The following CCKAR variants were observed in gnomAD, a reference collection of about 807,000 sequenced individuals.
CCKAR encodes the protein cholecystokinin receptor type A.
In CCKAR, 21 loss-of-function variants were observed where a neutral mutation model predicts 29.8. The observed-to-expected ratio is 0.70, with a 90% confidence interval of 0.50 to 1.01. CCKAR has a LOEUF of 1.01. CCKAR is among the 50% of genes least tolerant of loss of function. The pLI, the probability that CCKAR is intolerant of heterozygous loss-of-function variation, is 0.00. For synonymous variants in CCKAR, 238 were observed against 221.3 expected (o/e 1.08, Z -0.67); for missense variants, 570 against 560.6 (o/e 1.02, Z -0.17).
Position 26,485,773 on chromosome 4 carries a change from C to A in CCKAR, c.490G>T (p.Ala164Ser). The change falls in exon 3 of 5, where the codon GCT (alanine) becomes TCT (serine). Residue 164 changes from alanine (A) to serine (S), a missense_variant. Transcript: ENST00000295589. ...TKSHALKVIA[A>S]TWCLSFTIMT... ...ATGGTAAAGGAAAGGCACCAGGTAG[C>A]AGCAATCACCTTCAAAGCATGGGAT... 1 of 1,614,108 alleles carries A rather than the reference C, an allele frequency of 6.2e-7. No homozygotes were observed. The highest frequency in any genetic ancestry group is 2.2e-5 in the East Asian group (1 of 44,886).
rs1305804942 is a variant in CCKAR, at chr4:26,490,258, C to T, written c.10G>A (p.Val4Ile). 5 of 1,607,528 alleles carry T rather than the reference C, an allele frequency of 3.1e-6. No individual in the cohort carries two copies. In the Admixed American group the frequency reaches 5.0e-5, roughly 16 times the overall value. The change falls in exon 1 of 5, where the codon GTT becomes ATT. Residue 4 changes from valine to isoleucine, a missense_variant. By Grantham distance (29) the Val-to-Ile change is conservative. Transcript: ENST00000295589. MDVVDSLLVNGSNI... is the reference protein window; with the variant it reads MDVIDSLLVNGSNI... Reference sequence around the variant, plus strand: ...CTTCCATTCACAAGAAGGCTGTCAACCACATCCATCCTTGCCTGCTGCTTT... The same window carrying T: ...CTTCCATTCACAAGAAGGCTGTCAATCACATCCATCCTTGCCTGCTGCTTT...
At position 26,482,087 on chromosome 4, in the gene CCKAR, G is replaced by C; in HGVS notation, c.838C>G (p.Leu280Val). The change falls in exon 5 of 5, where the codon CTG (leucine) becomes GTG (valine). Residue 280 changes from leucine to valine, a missense_variant. Coordinates refer to ENST00000295589, the MANE Select transcript of CCKAR (RefSeq NM_000730.3). ...CCGGTGGACAGCTGCCGGAGCTCCA[G>C]CTTCCTCGGGGGCCTGGTCTTTTGC... ...YLQKTRPPRK[L>V]ELRQLSTGSS... The C allele has an allele frequency of 6.2e-7, 1 of 1,614,200 alleles. No homozygotes were observed.
In CCKAR at chr4:26,481,871, T is replaced by G; in HGVS notation, c.1054A>C (p.Ile352Leu). ...SAERRLSGTP[I>L]SFILLLSYTS... is the part of the protein sequence containing the mutation. ...TAGGACAGGAGGAGGATGAAGGAAA[T>G]GGGGGTTCCTGAGAGGCGGCGCTCT... Residue 352 changes from isoleucine to leucine, a missense_variant, in exon 5 of 5, where the codon ATT (isoleucine) becomes CTT (leucine). Coordinates refer to ENST00000295589, the MANE Select transcript of CCKAR (RefSeq NM_000730.3). 1 of 1,613,988 alleles carries G rather than the reference T, an allele frequency of 6.2e-7. No homozygotes were observed. Among genetic ancestry groups the G allele is most frequent in the Non-Finnish European group, 8.5e-7 (1 of 1,179,966 alleles).
At position 26,482,164 on chromosome 4, in the gene CCKAR, T is replaced by C; in HGVS notation, c.761A>G (p.Lys254Arg). Residue 254 changes from lysine (K) to arginine (R), a missense_variant, in exon 5 of 5, where the codon AAA becomes AGA. Transcript: ENST00000295589. ...TTTGCCGCTGCTGGTGGTGCTAGGT[T>C]TCCTTTCTGGGTGGGCAAGAGACAT... ...ASQKKSAKER[K>R]PSTTSSGKYE... 1.9e-6 allele frequency: 3 copies of C among 1,607,750 alleles called. No individual in the cohort carries two copies. The highest frequency in any genetic ancestry group is 2.6e-6 in the Non-Finnish European group (3 of 1,175,822).
intron 4 of CCKAR, among the ~76,000 whole-genome samples, chr4:26,482,447 T>C (rs535229785): frequency 1.3e-5 from 2 of 152,362 alleles, no homozygotes; most frequent in Non-Finnish European, 2.9e-5. Flanking sequence ...ATTCACACTC[T>C]TCTCCTTTCC....
chr4:26,489,745 C>G (rs1737521480), intron 1 of CCKAR, among the ~76,000 whole-genome samples: 2 of 152,230 alleles, frequency 1.3e-5, no homozygotes, highest in African/African-American at 2.4e-5. Context: ...CTCAAGTGAA[C>G]AGTGATCACT....
Position 26,489,269 on chromosome 4 carries a change from C to A in CCKAR, c.328G>T (p.Gly110Trp). The A allele has an allele frequency of 6.2e-7, 1 of 1,613,996 alleles. No homozygotes were observed. The highest frequency in any genetic ancestry group is 1.1e-5 in the South Asian group (1 of 91,058). ...GTGGTGGTCTTGCAAACGGCGCTCC[C>A]GAAGATGAAATCCTTGAGCAGATTG... ...IPNLLKDFIF[G>W]SAVCKTTTYF... The change falls in exon 2 of 5, where the codon GGG becomes TGG. Residue 110 changes from glycine (G) to tryptophan (W), a missense_variant. Coordinates refer to ENST00000295589, the MANE Select transcript of CCKAR (RefSeq NM_000730.3).
chr4:26,486,217 T>A (rs1233685408), intron 2 of CCKAR, among the ~76,000 whole-genome samples: 6 of 152,164 alleles, frequency 3.9e-5, no homozygotes, highest in Non-Finnish European at 8.8e-5. Flanking sequence ...GGGATGAAAT[T>A]CATTCTTGCC....
At chr4:26,483,711 A>G (rs867991947) in intron 3 of CCKAR, among the ~76,000 whole-genome samples, 43 of 152,334 alleles carry the variant, frequency 2.8e-4, no homozygotes, top group Middle Eastern at 3.4e-3. Flanking sequence ...CTCTCATAAT[A>G]ACCATTGAGG....
intron 2 of CCKAR, among the ~76,000 whole-genome samples, chr4:26,486,868 C>T (rs577355699): frequency 2.0e-5 from 3 of 152,088 alleles, no homozygotes; most frequent in African/African-American, 7.2e-5. Flanking sequence ...GAGCCAAGAT[C>T]GCACCACTGC....
chr4:26,483,467 C>CT (rs1417883933), intron 3 of CCKAR, among the ~76,000 whole-genome samples, 184 bp from the exon 4 acceptor site: 1 of 151,622 alleles, frequency 6.6e-6, no homozygotes, highest in Non-Finnish European at 1.5e-5. Flanking sequence ...TACTTCTTTT[C>CT]TTTTTTTAGA....
chr4:26,482,481 G>A (rs192094229), intron 4 of CCKAR, among the ~76,000 whole-genome samples: 1 of 152,178 alleles, frequency 6.6e-6, no homozygotes, highest in African/African-American at 2.4e-5. Context: ...CAGAGGGAAG[G>A]TTCCTGCTTG....
Position 26,483,204 on chromosome 4 carries a change from G to C in CCKAR, c.706C>G (p.Leu236Val). The C allele has an allele frequency of 6.2e-7, 1 of 1,613,784 alleles. No individual in the cohort carries two copies. Among genetic ancestry groups the C allele is most frequent in the Non-Finnish European group, 8.5e-7 (1 of 1,179,814 alleles). The change falls in exon 4 of 5, where the codon CTC (leucine) becomes GTC (valine). Residue 236 changes from leucine to valine, a missense_variant. Leu to Val is a conservative substitution (Grantham distance 32). Coordinates refer to ENST00000295589, the MANE Select transcript of CCKAR (RefSeq NM_000730.3). The part of the protein sequence containing the change: ...MVAYGLISLE[L>V]YQGIKFEASQ... ...GCCTCAAATTTTATTCCCTGGTAGA[G>C]TTCCAAAGAGATTAATCCATATGCC...
rs1386518875 is a variant in CCKAR, at chr4:26,489,214, G to A, written c.364+19C>T. 19 of 1,613,486 alleles carry A rather than the reference G, an allele frequency of 1.2e-5. No individual in the cohort carries two copies. The highest frequency in any genetic ancestry group is 1.5e-5 in the Non-Finnish European group (18 of 1,179,604). On this transcript the variant is annotated intron_variant, in intron 2 of 4. Coordinates refer to ENST00000295589, the MANE Select transcript of CCKAR (RefSeq NM_000730.3). ...GGGTCTGGGGCAAGCTCCAGAAAGAGTCACCAGCAGCAACTTACCCATGAA... is the reference window on the plus strand; with the variant it reads ...GGGTCTGGGGCAAGCTCCAGAAAGAATCACCAGCAGCAACTTACCCATGAA...
chr4:26,481,774 G>A lies in CCKAR; in HGVS notation c.1151C>T (p.Thr384Ile). 1.9e-6 allele frequency: 3 copies of A among 1,614,136 alleles called. No individual in the cohort carries two copies. The highest frequency in any genetic ancestry group is 4.5e-5 in the East Asian group (2 of 44,876). Reference sequence around the variant, plus strand: ...ACCAGGATTGGGGCAGCAGGGGAAGGTGGCCATGAAGCCGAGGCGGAAGCG... The same window carrying A: ...ACCAGGATTGGGGCAGCAGGGGAAGATGGCCATGAAGCCGAGGCGGAAGCG... ...NKRFRLGFMATFPCCPNPGPP... is the reference protein window; with the variant it reads ...NKRFRLGFMAIFPCCPNPGPP... The change falls in exon 5 of 5, where the codon ACC (threonine) becomes ATC (isoleucine). Residue 384 changes from threonine (T) to isoleucine (I), a missense_variant. By Grantham distance (89) the Thr-to-Ile change is moderately conservative. Coordinates refer to ENST00000295589, the MANE Select transcript of CCKAR (RefSeq NM_000730.3).
chr4:26,486,037 A>G, intron 2 of CCKAR, 139 bp from the exon 3 acceptor site: 4 of 721,842 alleles, frequency 5.5e-6, no homozygotes, highest in Non-Finnish European at 8.8e-6. Flanking sequence ...TTGTGTATGT[A>G]TATTTTTAAA....
rs746653160 is a variant in CCKAR at position 26,489,243 on chromosome 4, G to A, written c.354C>T (p.Thr118=). The A allele has an allele frequency of 1.9e-6, 3 of 1,613,994 alleles. No homozygotes were observed. The highest frequency in any genetic ancestry group is 1.6e-4 in the Middle Eastern group (1 of 6,084). ...CCAGCAGCAACTTACCCATGAAGTAGGTGGTGGTCTTGCAAACGGCGCTCC... is the reference window on the plus strand; with the variant it reads ...CCAGCAGCAACTTACCCATGAAGTAAGTGGTGGTCTTGCAAACGGCGCTCC... The part of the protein sequence containing the change: ...IFGSAVCKTT[T]YFMGTSVSVS... Residue 118 remains threonine (T), a synonymous_variant, in exon 2 of 5, where the codon ACC becomes ACT. Coordinates refer to ENST00000295589, the MANE Select transcript of CCKAR (RefSeq NM_000730.3).
At chr4:26,484,003 G>A (rs547408432) in intron 3 of CCKAR, among the ~76,000 whole-genome samples, 2 of 152,142 alleles carry the variant, frequency 1.3e-5, no homozygotes, top group South Asian at 2.1e-4. Flanking sequence ...AAACATTTAC[G>A]TGGGCGTCCA....
Position 26,485,817 on chromosome 4 carries a change from G to A in CCKAR, c.446C>T (p.Ser149Phe). The A allele has an allele frequency of 6.2e-7, 1 of 1,614,064 alleles. No homozygotes were observed. Among genetic ancestry groups the A allele is most frequent in the Non-Finnish European group, 8.5e-7 (1 of 1,179,978 alleles). The change falls in exon 3 of 5, where the codon TCC becomes TTC. Residue 149 changes from serine to phenylalanine, a missense_variant. Coordinates refer to ENST00000295589, the MANE Select transcript of CCKAR (RefSeq NM_000730.3). ...RYGAICKPLQ[S>F]RVWQTKSHAL... ...ATGGGATTTTGTCTGCCAGACCCGG[G>A]ACTGTAAGGGTTTGCAAATCGCACC...
Sources: allele counts gnomAD v4.1 joint callset (sites outside exome capture counted in the v4.1 genomes callset), GRCh38; gene constraint gnomAD v4.1.1; transcripts MANE v1.5; gene names NCBI Gene and HGNC (gene_info 2026-07-23, HGNC 2026-07-21).